Variants in SCHIP1 observed in about 807,000 individuals in gnomAD.
The protein encoded by SCHIP1 is schwannomin interacting protein 1.
In SCHIP1, 8 loss-of-function variants were observed where a neutral mutation model predicts 29.7. That is an observed-to-expected ratio of 0.27 (90% CI 0.16 to 0.49). SCHIP1 has a LOEUF of 0.49. Among genes scored for constraint, SCHIP1 ranks in the 20% least tolerant of loss-of-function variants. The pLI, the probability that SCHIP1 is intolerant of heterozygous loss-of-function variation, is 0.99. For missense variants in SCHIP1, 193 were observed against 294.6 expected (o/e 0.66, Z 2.52); for synonymous variants, 76 against 94.9 (o/e 0.80, Z 1.16).
chr3:159,617,974 C>T, the SCHIP1 span, among the ~76,000 whole-genome samples: 2 of 151,998 alleles, frequency 1.3e-5, no homozygotes, highest in African/African-American at 4.8e-5. Flanking sequence ...GAGAAAATAA[C>T]TCATAATTTG....
the SCHIP1 span, among the ~76,000 whole-genome samples, chr3:159,305,302 C>T: frequency 6.6e-5 from 10 of 152,326 alleles, no homozygotes; most frequent in African/African-American, 2.2e-4. Context: ...CCCCAGTCTC[C>T]CATGTCCCTG....
chr3:159,630,938 A>AT, the SCHIP1 span, among the ~76,000 whole-genome samples: 1 of 152,156 alleles, frequency 6.6e-6, no homozygotes, highest in African/African-American at 2.4e-5. Flanking sequence ...AAACCTCCTG[A>AT]TTTGGGTAGT....
At chr3:159,815,705 T>C in the SCHIP1 span, among the ~76,000 whole-genome samples, 1 of 152,150 alleles carries the variant, frequency 6.6e-6, no homozygotes, top group Non-Finnish European at 1.5e-5. Context: ...CATCATCTTC[T>C]CCCCTTCTAT....
the SCHIP1 span, among the ~76,000 whole-genome samples, chr3:159,679,741 G>A: frequency 6.6e-6 from 1 of 151,990 alleles, no homozygotes; most frequent in East Asian, 1.9e-4. Context: ...AGTGTGCCCC[G>A]CTGGCGCACC....
chr3:159,501,490 AAC>A, the SCHIP1 span, among the ~76,000 whole-genome samples: 1 of 152,218 alleles, frequency 6.6e-6, no homozygotes, highest in Non-Finnish European at 1.5e-5. Flanking sequence ...TAACCAGATA[AAC>A]AGTGTCAGGA....
the SCHIP1 span, among the ~76,000 whole-genome samples, chr3:159,655,756 G>A: frequency 3.9e-5 from 6 of 152,298 alleles, no homozygotes; most frequent in African/African-American, 1.2e-4. Context: ...AGGCATAGTG[G>A]AAGGTGCCTG....
chr3:159,492,369 TGG>T, the SCHIP1 span, among the ~76,000 whole-genome samples: 1 of 152,226 alleles, frequency 6.6e-6, no homozygotes, highest in East Asian at 1.9e-4. Context: ...ATTAGACAAA[TGG>T]GTAATTAGAA....
the SCHIP1 span, among the ~76,000 whole-genome samples, chr3:159,638,204 C>A: frequency 6.6e-6 from 1 of 152,202 alleles, no homozygotes; most frequent in African/African-American, 2.4e-5. Flanking sequence ...TTCCGTGTAC[C>A]TCAATTTTTT....
intron 1 of SCHIP1, among the ~76,000 whole-genome samples, chr3:159,841,184 TA>T (rs1478012503): frequency 5.3e-5 from 8 of 152,214 alleles, no homozygotes; most frequent in African/African-American, 1.7e-4. Flanking sequence ...TTCACAATGG[TA>T]AATATGTGCA....
the SCHIP1 span, among the ~76,000 whole-genome samples, chr3:159,666,882 A>C: frequency 6.6e-6 from 1 of 152,184 alleles, no homozygotes; most frequent in African/African-American, 2.4e-5. Flanking sequence ...CGATGTCTAC[A>C]TCGGTCAAGG....
the SCHIP1 span, among the ~76,000 whole-genome samples, chr3:159,757,929 C>G: frequency 6.6e-6 from 1 of 152,160 alleles, no homozygotes; most frequent in South Asian, 2.1e-4. Context: ...GAAAATGTTC[C>G]TCTTTGATAA....
the SCHIP1 span, among the ~76,000 whole-genome samples, chr3:159,828,808 A>G: frequency 6.6e-6 from 1 of 152,066 alleles, no homozygotes; most frequent in Non-Finnish European, 1.5e-5. Flanking sequence ...CTGTGCTGCT[A>G]AGATACCTGG....
the SCHIP1 span, among the ~76,000 whole-genome samples, chr3:159,644,506 T>G: frequency 2.0e-5 from 3 of 152,230 alleles, no homozygotes; most frequent in African/African-American, 7.2e-5. Flanking sequence ...TTGATCCTTT[T>G]CTCTTTCTTC....
the SCHIP1 span, among the ~76,000 whole-genome samples, chr3:159,738,235 A>T: frequency 5.5e-5 from 8 of 145,048 alleles, no homozygotes; most frequent in African/African-American, 2.0e-4. Flanking sequence ...TCTTCAATAA[A>T]TTTTTTCTTT....
At chr3:159,894,776 T>C (rs1026833822) in intron 6 of SCHIP1, 3 of 152,132 alleles carry the variant, frequency 2.0e-5, no homozygotes, top group African/African-American at 4.8e-5. Context: ...GGGACTCTTA[T>C]ATAACTTGCT....
chr3:159,746,883 C>T, the SCHIP1 span, among the ~76,000 whole-genome samples: 2 of 152,168 alleles, frequency 1.3e-5, no homozygotes, highest in African/African-American at 4.8e-5. Context: ...TTGATTATAC[C>T]TCAAGACCCA....
At chr3:159,781,970 T>G in the SCHIP1 span, among the ~76,000 whole-genome samples, 1 of 152,242 alleles carries the variant, frequency 6.6e-6, no homozygotes. Flanking sequence ...TGAATTTATA[T>G]GTAGAATAGG....
chr3:159,682,905 G>C, the SCHIP1 span, among the ~76,000 whole-genome samples: 1 of 152,098 alleles, frequency 6.6e-6, no homozygotes, highest in East Asian at 1.9e-4. Context: ...GATAAGAAGG[G>C]TGAAAGTGGG....
chr3:159,417,416 T>C, the SCHIP1 span, among the ~76,000 whole-genome samples: 1 of 152,188 alleles, frequency 6.6e-6, no homozygotes, highest in East Asian at 1.9e-4. Flanking sequence ...TCTTTATCCA[T>C]GGTAAGCATA....
Sources: gnomAD v4.1 joint callset for allele counts (sites outside exome capture counted in the v4.1 genomes callset) on GRCh38, gnomAD v4.1.1 for gene constraint, MANE v1.5 for transcripts, NCBI Gene and HGNC (gene_info 2026-07-23, HGNC 2026-07-21) for gene names.